The following EHMT1 variants were observed in gnomAD, a reference collection of about 807,000 sequenced individuals.
EHMT1 encodes the protein histone-lysine N-methyltransferase EHMT1.
In EHMT1, 15 loss-of-function variants were observed where a neutral mutation model predicts 147.2. The observed-to-expected ratio is 0.10, with a 90% CI of 0.07 to 0.16. EHMT1 has a LOEUF of 0.16. Among genes scored for constraint, EHMT1 ranks in the 10% least tolerant of loss-of-function variants. The pLI is 1.00. For synonymous variants in EHMT1, 795 were observed against 709.6 expected, an observed-to-expected ratio of 1.12 and a Z score of -1.91; for missense variants, 1,587 against 1,772.4, an observed-to-expected ratio of 0.90 and a Z score of 1.88.
chr9:137,623,162 A>C (rs1349433586), intron 1 of EHMT1, among the ~76,000 whole-genome samples: 3 of 150,886 alleles, frequency 2.0e-5, no homozygotes, highest in Non-Finnish European at 4.4e-5. Context: ...GTAGTGAGCC[A>C]AGATCATGCC....
In EHMT1 at chr9:137,732,354, G is replaced by T. The variant is rs111961677; in HGVS notation, c.823+3825G>T. 6.6e-6 allele frequency among the ~76,000 whole-genome samples: 1 copy of T among 152,242 alleles called. No homozygotes were observed. The highest frequency in any genetic ancestry group is 1.5e-5 in the Non-Finnish European group (1 of 68,040). On this transcript the variant is annotated intron_variant, in intron 4 of 26. Transcript: ENST00000460843. The surrounding 1 kb of genome is among the most constrained non-coding windows in gnomAD (Gnocchi z 4.6). Reference sequence around the variant, plus strand: ...CAGCCCTTTTTGCACCCGCTGTTGCGTGGGTCCCGAGTTCTTGTCTTGGGT... The same window carrying T: ...CAGCCCTTTTTGCACCCGCTGTTGCTTGGGTCCCGAGTTCTTGTCTTGGGT...
intron 14 of EHMT1, among the ~76,000 whole-genome samples, chr9:137,780,627 T>TGG (rs1951362453): frequency 4.6e-5 from 4 of 87,654 alleles, no homozygotes; most frequent in Non-Finnish European, 6.5e-5. Context: ...GTGATGACGC[T>TGG]GAGATGTGTG....
rs1564693344 is a variant in EHMT1, at chr9:137,752,409, G to A, written c.1248+1G>A. 1 of 1,613,506 alleles carries A rather than the reference G, an allele frequency of 6.2e-7. No individual in the cohort carries two copies. The highest frequency in any genetic ancestry group is 1.7e-5 in the Admixed American group (1 of 59,938). On this transcript the variant is annotated splice_donor_variant, in intron 7 of 26. Coordinates refer to ENST00000460843, the MANE Select transcript of EHMT1 (RefSeq NM_024757.5). LOFTEE classifies it high-confidence loss of function. ...GGAAGGCGGTGACGAGTCTGACCTGGTAATGCCCAGCGCCTCCTCCTGCGT... is the reference window on the plus strand; with the variant it reads ...GGAAGGCGGTGACGAGTCTGACCTGATAATGCCCAGCGCCTCCTCCTGCGT...
At position 137,698,304 on chromosome 9, in the gene EHMT1, T is replaced by A. The variant is rs114383016; in HGVS notation, c.22-12663T>A. Among the ~76,000 whole-genome samples, 688 of 152,376 alleles carry A rather than the reference T, an allele frequency of 4.5e-3. 8 individuals carry two copies. The highest frequency in any genetic ancestry group is 0.016 in the African/African-American group (661 of 41,584). On this transcript the variant is annotated intron_variant, in intron 1 of 26. Transcript: ENST00000460843. ...GATCACTTCTGAGGTAACTGTGATG[T>A]AGATGTATTATTGTAGACATGGTAA...
At chr9:137,822,413 T>C (rs534727046) in intron 25 of EHMT1, among the ~76,000 whole-genome samples, 93 of 152,328 alleles carry the variant, frequency 6.1e-4, no homozygotes, top group African/African-American at 2.1e-3. Flanking sequence ...GCTCATATGA[T>C]GGGGTACCTT....
intron 4 of EHMT1, among the ~76,000 whole-genome samples, chr9:137,741,438 G>C (rs1948073430): frequency 6.6e-6 from 1 of 151,694 alleles, no homozygotes; most frequent in Admixed American, 6.6e-5. Context: ...CACTGTTCCT[G>C]TCCCAGCTGG....
At chr9:137,757,586 A>G (rs887229689) in intron 8 of EHMT1, among the ~76,000 whole-genome samples, 1 of 152,232 alleles carries the variant, frequency 6.6e-6, no homozygotes, top group African/African-American at 2.4e-5. Flanking sequence ...TAGTTGGTGT[A>G]GTTACAGAGA....
intron 19 of EHMT1, 137 bp from the exon 20 acceptor site, chr9:137,812,869 G>A: frequency 8.2e-7 from 1 of 1,214,304 alleles, no homozygotes; most frequent in Non-Finnish European, 1.2e-6. Context: ...TCATTGCTGA[G>A]CAGACTTGTT....
At chr9:137,632,704 T>C (rs1191076663) in intron 1 of EHMT1, among the ~76,000 whole-genome samples, 3 of 152,124 alleles carry the variant, frequency 2.0e-5, no homozygotes, top group Non-Finnish European at 4.4e-5. Context: ...GTGCCCAGCC[T>C]AGACCACTTT....
chr9:137,787,969 G>T lies in EHMT1; in HGVS notation c.2383-2879G>T, dbSNP rs1227770623. ...GAGGCCCTGTGTCCCCCACTGGACA[G>T]CCCCCCAGGAACTGAGGTGCCCTGC... On this transcript the variant is annotated intron_variant, in intron 15 of 26. Coordinates refer to ENST00000460843, the MANE Select transcript of EHMT1 (RefSeq NM_024757.5). This position sits in a 1 kb window ranked among gnomAD's most constrained non-coding sequence, Gnocchi z 4.2. 6.7e-7 allele frequency: 1 copy of T among 1,489,056 alleles called. No individual in the cohort carries two copies. The highest frequency in any genetic ancestry group is 9.3e-7 in the Non-Finnish European group (1 of 1,073,992). The allele number at this position is 1,489,056 out of a possible 1,614,324, so 92.2% of individuals were successfully genotyped here.
At chr9:137,796,703 C>CAAA (rs11449759) in intron 16 of EHMT1, among the ~76,000 whole-genome samples, 11 of 85,816 alleles carry the variant, frequency 1.3e-4, no homozygotes, top group South Asian at 4.8e-4. Context: ...GACTCCATCT[C>CAAA]AAAAAAAAAA....
chr9:137,649,708 A>G (rs901572072), intron 1 of EHMT1, among the ~76,000 whole-genome samples: 5 of 152,298 alleles, frequency 3.3e-5, no homozygotes, highest in African/African-American at 1.2e-4. Flanking sequence ...GTTGCGAACC[A>G]GGGAGTGAGA....
rs900546352 is a variant in EHMT1 at position 137,707,240 on chromosome 9, C to T, written c.22-3727C>T. On this transcript the variant is annotated intron_variant, in intron 1 of 26. Transcript: ENST00000460843. ...AGCGCTGCTTGGGGGGGCTGGTCTC[C>T]GAAGCCAGCCTGTGGTGCTTCAGCA... Among the ~76,000 whole-genome samples, 7 of 152,212 alleles carry T rather than the reference C, an allele frequency of 4.6e-5. No individual in the cohort carries two copies. In the East Asian group the frequency reaches 9.6e-4, roughly 21 times the overall value.
In EHMT1 at chr9:137,663,772, CA is replaced by C. The variant is rs111357404; in HGVS notation, c.21+44725del. ...TGGATATTCCCTTGTAGGGGAATAA[CA>C]ATGTCTATAACTAGCCTTCTGTGGG... On this transcript the variant is annotated intron_variant, in intron 1 of 26. Transcript: ENST00000460843. Among the ~76,000 whole-genome samples the C allele has an allele frequency of 1.7e-4, 26 of 152,304 alleles. 1 individual carries two copies. Among genetic ancestry groups the C allele is most frequent in the African/African-American group, 6.0e-4 (25 of 41,582 alleles).
chr9:137,798,677 GGGT>G, intron 16 of EHMT1, 133 bp from the exon 17 acceptor site: 1 of 778,106 alleles, frequency 1.3e-6, no homozygotes, highest in Admixed American at 1.8e-5. Flanking sequence ...GCCTCAGCCT[GGGT>G]TTCCTTGTCA....
intron 1 of EHMT1, among the ~76,000 whole-genome samples, chr9:137,673,592 G>A (rs200066608): frequency 6.6e-6 from 1 of 152,080 alleles, no homozygotes; most frequent in African/African-American, 2.4e-5. Context: ...CCTCAGACCC[G>A]CACTCCCAGC....
chr9:137,718,873 A>G (rs575527240), intron 3 of EHMT1, among the ~76,000 whole-genome samples: 192 of 151,002 alleles, frequency 1.3e-3, no homozygotes, highest in African/African-American at 4.1e-3. Flanking sequence ...CTCATGCTTC[A>G]GCCTCCCAAG....
At chr9:137,757,750 A>C in intron 8 of EHMT1, 130 bp from the exon 9 acceptor site, 1 of 1,369,364 alleles carries the variant, frequency 7.3e-7, no homozygotes, top group Non-Finnish European at 1.0e-6. Context: ...GTGGGTTTCA[A>C]CTTGTGGTTT....
chr9:137,760,448 T>C (rs1291423113), intron 9 of EHMT1, among the ~76,000 whole-genome samples: 3 of 152,228 alleles, frequency 2.0e-5, no homozygotes, highest in Admixed American at 2.0e-4. Context: ...AGCTTTAAAC[T>C]TGTAGTGATT....
Sources: allele counts gnomAD v4.1 joint callset (sites outside exome capture counted in the v4.1 genomes callset), GRCh38; gene constraint gnomAD v4.1.1; non-coding constraint Gnocchi (gnomAD v3.1); transcripts MANE v1.5; gene names NCBI Gene and HGNC (gene_info 2026-07-23, HGNC 2026-07-21).